The following ASCC3 variants were observed in gnomAD, a reference collection of about 807,000 sequenced individuals.
The protein encoded by ASCC3 is ASC-1 complex subunit P200.
In ASCC3, 158 loss-of-function variants were observed where a neutral mutation model predicts 256.3. That is an observed-to-expected ratio of 0.62 (90% CI 0.54 to 0.70). The LOEUF (loss-of-function observed/expected upper bound fraction) is 0.70. Ranked by LOEUF, ASCC3 falls within the 30% of genes least tolerant of loss-of-function variation. The pLI, the probability that ASCC3 is intolerant of heterozygous loss-of-function variation, is 0.00. For missense variants in ASCC3, 2,259 were observed against 2,626.0 expected, an observed-to-expected ratio of 0.86 and a Z score of 3.05; for synonymous variants, 948 against 883.4, an observed-to-expected ratio of 1.07 and a Z score of -1.30.
At chr6:100,578,100 T>G (rs191710701) in intron 36 of ASCC3, among the ~76,000 whole-genome samples, 187 of 152,106 alleles carry the variant, frequency 1.2e-3, no homozygotes, top group African/African-American at 4.4e-3. Context: ...AAGGGTGATA[T>G]TGTCAATATA....
At chr6:100,595,305 C>T (rs947129723) in intron 34 of ASCC3, among the ~76,000 whole-genome samples, 3 of 150,904 alleles carry the variant, frequency 2.0e-5, no homozygotes, top group Non-Finnish European at 3.0e-5. Context: ...GCACATTGTA[C>T]ACCATAATAT....
chr6:100,780,672 G>A (rs1782399457), intron 8 of ASCC3, among the ~76,000 whole-genome samples: 1 of 152,140 alleles, frequency 6.6e-6, no homozygotes, highest in Non-Finnish European at 1.5e-5. Context: ...TCTTTCTCTT[G>A]ATGTCTTATT....
intron 36 of ASCC3, among the ~76,000 whole-genome samples, chr6:100,562,746 T>C (rs566326486): frequency 6.6e-6 from 1 of 152,184 alleles, no homozygotes; most frequent in East Asian, 1.9e-4. Flanking sequence ...CACACTTAAT[T>C]CCTTAGGATC....
At chr6:100,868,164 G>T in intron 1 of ASCC3, 126 bp from the exon 2 acceptor site, 1 of 618,606 alleles carries the variant, frequency 1.6e-6, no homozygotes, top group South Asian at 1.9e-5. Context: ...TATCAACGTT[G>T]AAAAATTCTC....
At chr6:100,530,614 T>A in intron 37 of ASCC3, 1 of 798,280 alleles carries the variant, frequency 1.3e-6, no homozygotes, top group South Asian at 1.3e-5. Flanking sequence ...AGAGCAGCAA[T>A]ACAGTGTGAG....
chr6:100,826,071 G>A (rs968898076), intron 4 of ASCC3, among the ~76,000 whole-genome samples: 1 of 151,842 alleles, frequency 6.6e-6, no homozygotes, highest in African/African-American at 2.4e-5. Context: ...TCAAACAAAA[G>A]CCTTTGGTTT....
chr6:100,774,040 C>T (rs1173282521), intron 8 of ASCC3, among the ~76,000 whole-genome samples: 6 of 152,046 alleles, frequency 3.9e-5, no homozygotes, highest in African/African-American at 1.2e-4. Context: ...ACATTCTAAT[C>T]GATTCAACAT....
Position 100,848,446 on chromosome 6 carries a change from G to T in ASCC3, c.503C>A (p.Ala168Glu), listed in dbSNP as rs751512529. Residue 168 changes from alanine to glutamate, a missense_variant, in exon 4 of 42, where the codon GCA becomes GAA. Transcript: ENST00000369162. ...CAAATCATGCATGTCAAATGAAAAT[G>T]CTAAATTTTTACCAAAAAAAACCCT... ...GDRVFFGKNL[A>E]FSFDMHDLDH... The T allele has an allele frequency of 6.2e-7, 1 of 1,611,202 alleles. No homozygotes were observed. The highest frequency in any genetic ancestry group is 1.1e-5 in the South Asian group (1 of 90,528).
chr6:100,588,880 G>C (rs888159952), intron 36 of ASCC3, among the ~76,000 whole-genome samples: 5 of 151,966 alleles, frequency 3.3e-5, no homozygotes, highest in African/African-American at 9.7e-5. Context: ...AAGACAGAAT[G>C]GTCCAATTGT....
chr6:100,731,065 T>A (rs948596559), intron 10 of ASCC3, among the ~76,000 whole-genome samples: 1 of 152,118 alleles, frequency 6.6e-6, no homozygotes, highest in African/African-American at 2.4e-5. Context: ...ATTTTCATAT[T>A]AGGAAAAATA....
chr6:100,641,221 T>C (rs1477674332), intron 24 of ASCC3, among the ~76,000 whole-genome samples: 1 of 152,164 alleles, frequency 6.6e-6, no homozygotes, highest in Admixed American at 6.5e-5. Context: ...AAATTTAAAA[T>C]GGATTTTTGC....
intron 30 of ASCC3, among the ~76,000 whole-genome samples, chr6:100,612,285 G>A (rs1263510985): frequency 2.0e-5 from 3 of 151,996 alleles, no homozygotes; most frequent in African/African-American, 4.8e-5. Flanking sequence ...GGCACCAAAA[G>A]GAGGAGACCA....
intron 29 of ASCC3, 106 bp from the exon 30 acceptor site, chr6:100,625,440 T>C: frequency 1.5e-6 from 2 of 1,338,372 alleles, no homozygotes; most frequent in Non-Finnish European, 2.1e-6. Context: ...GTAAACAATT[T>C]AGGCATGAAA....
intron 8 of ASCC3, among the ~76,000 whole-genome samples, chr6:100,798,271 T>C (rs1769733201): frequency 6.6e-6 from 1 of 152,114 alleles, no homozygotes; most frequent in Non-Finnish European, 1.5e-5. Context: ...GTAATATTCA[T>C]GCCAATTTTC....
chr6:100,596,214 C>T (rs1772287941), intron 34 of ASCC3, among the ~76,000 whole-genome samples: 1 of 152,042 alleles, frequency 6.6e-6, no homozygotes, highest in Non-Finnish European at 1.5e-5. Flanking sequence ...GCCTTATGAT[C>T]TCTATGTTGA....
intron 3 of ASCC3, among the ~76,000 whole-genome samples, chr6:100,853,900 TACA>T (rs926368011): frequency 6.6e-6 from 1 of 152,166 alleles, no homozygotes; most frequent in Admixed American, 6.5e-5. Context: ...GGACCTTACC[TACA>T]ACATTAGATA....
intron 37 of ASCC3, among the ~76,000 whole-genome samples, chr6:100,523,172 C>CTAA (rs1774392233): frequency 6.6e-6 from 1 of 151,514 alleles, no homozygotes; most frequent in African/African-American, 2.4e-5. Context: ...GAGTACTGTG[C>CTAA]CTTTAAATTA....
rs764975578 is a variant in ASCC3 at position 100,679,664 on chromosome 6, A to T, written c.2240T>A (p.Phe747Tyr). 6.2e-7 allele frequency: 1 copy of T among 1,613,716 alleles called. No individual in the cohort carries two copies. The highest frequency in any genetic ancestry group is 8.5e-7 in the Non-Finnish European group (1 of 1,179,758). Residue 747 changes from phenylalanine to tyrosine, a missense_variant, in exon 14 of 42, where the codon TTC (phenylalanine) becomes TAC (tyrosine). Around this residue, in one of 2 missense-constraint regions of ASCC3, gnomAD observed 1,839 missense variants for 2,206.7 expected, o/e 0.83. Coordinates refer to ENST00000369162, the MANE Select transcript of ASCC3 (RefSeq NM_006828.4). ...ERAKNCGHIP[F>Y]FFPTQGHDYV... Reference sequence around the variant, plus strand: ...GTCATGTCCTTGGGTAGGAAAAAAGAAGGGAATATGGCCACAATTTTTTGC... The same window carrying T: ...GTCATGTCCTTGGGTAGGAAAAAAGTAGGGAATATGGCCACAATTTTTTGC...
intron 4 of ASCC3, among the ~76,000 whole-genome samples, chr6:100,821,275 C>A (rs956147275): frequency 3.0e-4 from 46 of 152,262 alleles, no homozygotes; most frequent in Admixed American, 2.4e-3. Flanking sequence ...CTCAGCCTCG[C>A]AAAGCGCTGG....
Sources: allele counts gnomAD v4.1 joint callset (sites outside exome capture counted in the v4.1 genomes callset), GRCh38; gene constraint gnomAD v4.1.1; regional missense constraint gnomAD v4.1.1; transcripts MANE v1.5; gene names NCBI Gene and HGNC (gene_info 2026-07-23, HGNC 2026-07-21).